Variants in ANLN observed in about 807,000 individuals in gnomAD.
ANLN encodes anillin.
ANLN carries 59 observed loss-of-function variants against 135.1 expected under a neutral mutation model. That is an observed-to-expected ratio of 0.44 (90% CI 0.35 to 0.54). The LOEUF is 0.54. ANLN is among the 20% of genes least tolerant of loss of function. ANLN has a pLI of 0.00. For synonymous variants in ANLN, 406 were observed against 456.4 expected (o/e 0.89, Z 1.41); for missense variants, 1,182 against 1,340.0 (o/e 0.88, Z 1.84).
chr7:36,431,598 T>TAC (rs1562812570), intron 20 of ANLN, among the ~76,000 whole-genome samples: 1 of 7,416 alleles, frequency 1.3e-4, no homozygotes, highest in Admixed American at 2.8e-3. Context: ...TGTGTGTGTG[T>TAC]ATATATATAT....
At chr7:36,440,757 T>TA (rs546629367) in intron 21 of ANLN, among the ~76,000 whole-genome samples, 138 of 152,200 alleles carry the variant, frequency 9.1e-4, no homozygotes, top group Non-Finnish European at 1.8e-3. Flanking sequence ...ATTTATTTGA[T>TA]ACAGAATTTA....
At chr7:36,423,391 A>C (rs1787957805) in intron 14 of ANLN, among the ~76,000 whole-genome samples, 1 of 152,132 alleles carries the variant, frequency 6.6e-6, no homozygotes, top group South Asian at 2.1e-4. Context: ...ATTAATGACA[A>C]ATGGTGAAGA....
chr7:36,426,015 A>G lies in ANLN; in HGVS notation c.2749A>G (p.Lys917Glu), dbSNP rs1431878391. ...PKRLLTSITT[K>E]SNIHSSVMAS... ...TTCACACCTTTTTTTTTTTTTTTAG[A>G]AAAGCAACATTCATTCTTCAGGTGA... The change falls in exon 19 of 24, where the codon AAA becomes GAA. Residue 917 changes from lysine (K) to glutamate (E), a missense_variant and splice_region_variant. Lys to Glu is a moderately conservative substitution (Grantham distance 56, BLOSUM62 1). This residue lies in a region of ANLN where 1,022 missense variants were observed against 1,134.0 expected (regional missense o/e 0.90). Transcript: ENST00000265748. 1 of 1,512,242 alleles carries G rather than the reference A, an allele frequency of 6.6e-7. No individual in the cohort carries two copies. The highest frequency in any genetic ancestry group is 8.9e-7 in the Non-Finnish European group (1 of 1,128,632). The allele number at this position is 1,512,242 out of a possible 1,614,324, so 93.7% of individuals were successfully genotyped here. A position where few individuals can be genotyped will look rare whatever the true frequency, so the allele number is the denominator to read the frequency against.
intron 6 of ANLN, 45 bp downstream of exon 6, chr7:36,410,749 A>ATAGAGACC: frequency 6.4e-7 from 1 of 1,550,474 alleles, no homozygotes. Context: ...TGGTCTCTGC[A>ATAGAGACC]TAGAACCTAG....
intron 8 of ANLN, 111 bp downstream of exon 8, chr7:36,415,995 G>T (rs1380619856): frequency 3.1e-6 from 3 of 954,060 alleles, no homozygotes; most frequent in East Asian, 5.5e-5. Flanking sequence ...ACGTTTTTTG[G>T]GGGGAATCTT....
intron 23 of ANLN, among the ~76,000 whole-genome samples, chr7:36,450,863 C>T (rs1036649243): frequency 6.6e-6 from 1 of 152,206 alleles, no homozygotes; most frequent in Non-Finnish European, 1.5e-5. Context: ...TTTTGAATAT[C>T]ACTTACATTT....
intron 5 of ANLN, among the ~76,000 whole-genome samples, chr7:36,409,139 A>G (rs1005768445): frequency 1.3e-4 from 20 of 152,196 alleles, no homozygotes; most frequent in Admixed American, 3.9e-4. Context: ...GTTAGTCCCA[A>G]TTTTCTAAAG....
chr7:36,415,371 C>T (rs879743096), intron 7 of ANLN, among the ~76,000 whole-genome samples: 1 of 151,000 alleles, frequency 6.6e-6, no homozygotes. Flanking sequence ...GTGTTTTTCC[C>T]TTTGTGTGGC....
intron 19 of ANLN, among the ~76,000 whole-genome samples, chr7:36,426,240 A>G (rs1788072085): frequency 6.6e-6 from 1 of 152,216 alleles, no homozygotes; most frequent in African/African-American, 2.4e-5. Context: ...AGGTACCACC[A>G]TAGAGGCACC....
Position 36,421,907 on chromosome 7 carries a change from C to T in ANLN, c.2214C>T (p.Ser738=). The change falls in exon 13 of 24, where the codon AGC becomes AGT. Residue 738 remains serine, a synonymous_variant. Transcript: ENST00000265748. ...NMQQTVIYQA[S]QALNCCVDEE... ...AACAGACAGTGATCTATCAAGCTAG[C>T]CAGGCTCTTAACTGCTGTGTTGATG... 1 of 1,613,490 alleles carries T rather than the reference C, an allele frequency of 6.2e-7. No homozygotes were observed. Among genetic ancestry groups the T allele is most frequent in the South Asian group, 1.1e-5 (1 of 91,002 alleles).
At chr7:36,404,618 G>T (rs1187483233) in intron 3 of ANLN, among the ~76,000 whole-genome samples, 1 of 152,124 alleles carries the variant, frequency 6.6e-6, no homozygotes, top group African/African-American at 2.4e-5. Context: ...TCCTTATTTA[G>T]TTGAGAACTT....
At chr7:36,423,790 A>G (rs755672632) in intron 14 of ANLN, 27 bp from the exon 15 acceptor site, 8 of 1,590,148 alleles carry the variant, frequency 5.0e-6, no homozygotes, top group Non-Finnish European at 8.6e-7. Context: ...GCTTGTGCTT[A>G]CTATGTAATA....
In ANLN at chr7:36,399,082, A is replaced by T. The variant is rs746376374; in HGVS notation, c.176A>T (p.Lys59Ile). ...NQQPLSGGEEKSCTKPSPSKK... is the reference protein window; with the variant it reads ...NQQPLSGGEEISCTKPSPSKK... Reference sequence around the variant, plus strand: ...TTTTTCATCGTTTTTAATGTAGAGAAATCTTGTACAAAACCATCGCCATCA... The same window carrying T: ...TTTTTCATCGTTTTTAATGTAGAGATATCTTGTACAAAACCATCGCCATCA... The change falls in exon 3 of 24, where the codon AAA (lysine) becomes ATA (isoleucine). Residue 59 changes from lysine (K) to isoleucine (I), a missense_variant. Transcript: ENST00000265748. 1.1e-5 allele frequency: 18 copies of T among 1,592,610 alleles called. No individual in the cohort carries two copies. The African/African-American group carries it at 2.4e-4, about 22-fold the overall frequency.
chr7:36,435,742 G>A (rs1437157900), intron 20 of ANLN, among the ~76,000 whole-genome samples: 4 of 150,230 alleles, frequency 2.7e-5, no homozygotes, highest in South Asian at 2.1e-4. Flanking sequence ...GCGTGGTAGC[G>A]GGCGCCTGTA....
At chr7:36,428,776 A>AT (rs35428425) in intron 20 of ANLN, among the ~76,000 whole-genome samples, 38,658 of 114,534 alleles carry the variant, frequency 0.34, 6,949 homozygotes, top group Middle Eastern at 0.43. Flanking sequence ...ATAAAAGCAG[A>AT]TTTTTTTTTT....
intron 9 of ANLN, among the ~76,000 whole-genome samples, chr7:36,418,170 C>T (rs1293772196): frequency 6.6e-6 from 1 of 152,222 alleles, no homozygotes; most frequent in Admixed American, 6.5e-5. Context: ...CTCCAGGAAC[C>T]TCCACGTGTT....
At chr7:36,452,112 C>T (rs930115471) in intron 23 of ANLN, among the ~76,000 whole-genome samples, 1 of 152,162 alleles carries the variant, frequency 6.6e-6, no homozygotes, top group Non-Finnish European at 1.5e-5. Flanking sequence ...TGCCCATATT[C>T]AGGGAGTGCC....
chr7:36,422,268 A>G (rs757327665), intron 13 of ANLN, among the ~76,000 whole-genome samples: 8 of 145,416 alleles, frequency 5.5e-5, no homozygotes, highest in Non-Finnish European at 1.2e-4. Flanking sequence ...CTATATATAC[A>G]CATGTACACA....
chr7:36,431,854 C>T (rs1788344855), intron 20 of ANLN, among the ~76,000 whole-genome samples: 1 of 151,694 alleles, frequency 6.6e-6, no homozygotes. Flanking sequence ...CACTTCCTTG[C>T]TAATAAATGT....
Sources: gnomAD v4.1 joint callset for allele counts (sites outside exome capture counted in the v4.1 genomes callset) on GRCh38, gnomAD v4.1.1 for gene constraint, gnomAD v4.1.1 regional missense constraint, MANE v1.5 for transcripts, NCBI Gene and HGNC (gene_info 2026-07-23, HGNC 2026-07-21) for gene names.